Variants in KLC1 observed in about 807,000 individuals in gnomAD.
The protein encoded by KLC1 is kinesin light chain 1.
KLC1 carries 30 observed loss-of-function variants against 84.2 expected under a neutral mutation model. That is an observed-to-expected ratio of 0.36 (90% CI 0.27 to 0.48). KLC1 has a LOEUF of 0.48. Among genes scored for constraint, KLC1 ranks in the 20% least tolerant of loss-of-function variants. KLC1 has a pLI of 0.99. For missense variants in KLC1, 499 were observed against 805.4 expected, an observed-to-expected ratio of 0.62 and a Z score of 4.60; for synonymous variants, 289 against 293.3, an observed-to-expected ratio of 0.99 and a Z score of 0.15.
chr14:103,635,731 C>G (rs145949489), intron 1 of KLC1, among the ~76,000 whole-genome samples: 1 of 150,590 alleles, frequency 6.6e-6, no homozygotes, highest in East Asian at 1.9e-4. Context: ...CCAGCCTGGG[C>G]GACAGAGTGA....
chr14:103,694,339 C>T lies in KLC1; in HGVS notation c.1848+1914C>T, dbSNP rs986476402. ...CAATCTCGGCCCACTGCAAGCTCCA[C>T]CTCCTGGGTTCACGCCATTCTCCTG... On this transcript the variant is annotated intron_variant, in intron 15 of 16. Transcript: ENST00000334553. The surrounding 1 kb of genome is among the most constrained non-coding windows in gnomAD (Gnocchi z 4.5). 2 of 932,724 alleles carry T rather than the reference C, an allele frequency of 2.1e-6. No individual in the cohort carries two copies. The highest frequency in any genetic ancestry group is 2.6e-6 in the Non-Finnish European group (2 of 782,552). 57.8% of individuals were successfully genotyped at this position (932,724 alleles called of 1,614,324 possible).
Position 103,654,836 on chromosome 14 carries a change from G to C in KLC1, c.261+11G>C, listed in dbSNP as rs1354418776. 6.2e-7 allele frequency: 1 copy of C among 1,610,688 alleles called. No individual in the cohort carries two copies. Among genetic ancestry groups the C allele is most frequent in the Non-Finnish European group, 8.5e-7 (1 of 1,178,230 alleles). Reference sequence around the variant, plus strand: ...CTGAGTGAGGCACAGGTACGAGTGAGAATGACTCAGACGTTATCAGGAACT... The same window carrying C: ...CTGAGTGAGGCACAGGTACGAGTGACAATGACTCAGACGTTATCAGGAACT... On this transcript the variant is annotated intron_variant, in intron 2 of 16. Coordinates refer to ENST00000334553, the MANE Select transcript of KLC1 (RefSeq NM_001394837.1).
intron 1 of KLC1, among the ~76,000 whole-genome samples, chr14:103,631,294 T>C (rs1385850441): frequency 1.3e-5 from 2 of 152,052 alleles, no homozygotes; most frequent in Non-Finnish European, 2.9e-5. Context: ...GTTAGCCAGG[T>C]TGGTCTTGAT....
intron 5 of KLC1, among the ~76,000 whole-genome samples, chr14:103,665,118 T>A (rs2079649078): frequency 6.6e-6 from 1 of 152,184 alleles, no homozygotes; most frequent in Admixed American, 6.5e-5. Context: ...TTCAGCTTGT[T>A]ATTTCATCAT....
intron 13 of KLC1, chr14:103,682,860 T>C (rs1280231963): frequency 6.6e-6 from 1 of 151,134 alleles, no homozygotes; most frequent in Non-Finnish European, 1.5e-5. Context: ...ACTGCAACCT[T>C]TGCCTTCCGG....
rs373753641 is a variant in KLC1 at position 103,688,455 on chromosome 14, TTG to T, written c.1781+1246_1781+1247del. On this transcript the variant is annotated intron_variant, in intron 14 of 16. Coordinates refer to ENST00000334553, the MANE Select transcript of KLC1 (RefSeq NM_001394837.1). ...TGTGAGCCACCGTGCCTGGCCTATT[TTG>T]TCTTTTAAAAGCTATTTAAAAAAAA... Among the ~76,000 whole-genome samples the T allele has an allele frequency of 1.1e-3, 168 of 152,272 alleles. 1 individual carries two copies. Among genetic ancestry groups the T allele is most frequent in the African/African-American group, 3.5e-3 (145 of 41,572 alleles).
At chr14:103,682,686 AAAAAAAG>A (rs1007688619) in intron 13 of KLC1, 16 of 152,154 alleles carry the variant, frequency 1.1e-4, no homozygotes, top group African/African-American at 7.2e-5. Context: ...TGTCTCGAGA[AAAAAAAG>A]AAAAAAGAAA....
intron 5 of KLC1, among the ~76,000 whole-genome samples, chr14:103,663,796 A>G (rs1199608799): frequency 6.6e-6 from 1 of 152,024 alleles, no homozygotes; most frequent in Admixed American, 6.6e-5. Flanking sequence ...TCCTGTTGGG[A>G]CAGGATTGAG....
At position 103,646,777 on chromosome 14, in the gene KLC1, T is replaced by C. The variant is rs115614777; in HGVS notation, c.-1-7787T>C. On this transcript the variant is annotated intron_variant, in intron 1 of 16. Coordinates refer to ENST00000334553, the MANE Select transcript of KLC1 (RefSeq NM_001394837.1). ...AGCATGTGCCACCATGCCTAGCTAA[T>C]TTTTTTTGTTTTTTTGTAGAGATGG... 5.7e-3 allele frequency among the ~76,000 whole-genome samples: 862 copies of C among 151,850 alleles called. 13 individuals are homozygous for C. Among genetic ancestry groups the C allele is most frequent in the African/African-American group, 0.02 (829 of 41,452 alleles).
intron 5 of KLC1, among the ~76,000 whole-genome samples, chr14:103,666,465 A>G (rs992060651): frequency 1.3e-5 from 2 of 152,230 alleles, no homozygotes; most frequent in Non-Finnish European, 2.9e-5. Flanking sequence ...TGGGTTTCTA[A>G]TAAGTTCCAG....
chr14:103,647,613 C>A (rs1190972418), intron 1 of KLC1, among the ~76,000 whole-genome samples: 1 of 151,916 alleles, frequency 6.6e-6, no homozygotes, highest in Non-Finnish European at 1.5e-5. Context: ...CATGGTGGCT[C>A]ACGCCTGTAA....
chr14:103,648,012 G>T (rs899461021), intron 1 of KLC1, among the ~76,000 whole-genome samples: 3 of 151,012 alleles, frequency 2.0e-5, no homozygotes, highest in African/African-American at 7.3e-5. Flanking sequence ...GTGCAGTGGC[G>T]CGATCTCGGC....
chr14:103,640,968 C>T (rs1011311156), intron 1 of KLC1, among the ~76,000 whole-genome samples: 5 of 151,924 alleles, frequency 3.3e-5, no homozygotes, highest in Admixed American at 3.3e-4. Context: ...TGCTAGGTCA[C>T]CCAGGCTGGA....
At chr14:103,640,760 C>G (rs1257595122) in intron 1 of KLC1, among the ~76,000 whole-genome samples, 1 of 151,996 alleles carries the variant, frequency 6.6e-6, no homozygotes, top group Non-Finnish European at 1.5e-5. Flanking sequence ...TGAAAATAAA[C>G]TTTTAATTTT....
At chr14:103,661,139 C>T (rs2079250480) in intron 3 of KLC1, among the ~76,000 whole-genome samples, 1 of 152,120 alleles carries the variant, frequency 6.6e-6, no homozygotes, top group African/African-American at 2.4e-5. Context: ...GTGAGGGGTT[C>T]TCCTGTGGCA....
chr14:103,695,816 C>A, intron 15 of KLC1: 1 of 985,336 alleles, frequency 1.0e-6, no homozygotes, highest in African/African-American at 1.7e-5. Context: ...AGCCAGGGGG[C>A]CTCCCTGAAG....
At chr14:103,666,265 A>C (rs12894639) in intron 5 of KLC1, among the ~76,000 whole-genome samples, 1 of 151,746 alleles carries the variant, frequency 6.6e-6, no homozygotes, top group African/African-American at 2.4e-5. Flanking sequence ...GAGTTTCACC[A>C]TGTTAGCCAG....
chr14:103,636,502 G>A (rs1227180889), intron 1 of KLC1, among the ~76,000 whole-genome samples: 1 of 151,968 alleles, frequency 6.6e-6, no homozygotes, highest in South Asian at 2.1e-4. Context: ...TTACAGGCGT[G>A]AGCCACCGTG....
intron 14 of KLC1, among the ~76,000 whole-genome samples, chr14:103,690,099 G>T (rs746600118): frequency 1.3e-5 from 2 of 151,732 alleles, no homozygotes; most frequent in Non-Finnish European, 2.9e-5. Flanking sequence ...AGAATCACTG[G>T]AACCCAGTAG....
Sources: allele counts gnomAD v4.1 joint callset (sites outside exome capture counted in the v4.1 genomes callset), GRCh38; gene constraint gnomAD v4.1.1; non-coding constraint Gnocchi (gnomAD v3.1); transcripts MANE v1.5; gene names NCBI Gene and HGNC (gene_info 2026-07-23, HGNC 2026-07-21).